Variants in PDGFD observed in about 807,000 individuals in gnomAD.
PDGFD encodes platelet derived growth factor D, also known as platelet-derived growth factor D.
In PDGFD, 30 loss-of-function variants were observed where a neutral mutation model predicts 44.7. The observed-to-expected ratio is 0.67, with a 90% confidence interval of 0.50 to 0.91. The LOEUF is 0.91. PDGFD is among the 40% of genes least tolerant of loss of function. The pLI is 0.00. For missense variants in PDGFD, 445 were observed against 457.8 expected, an observed-to-expected ratio of 0.97 and a Z score of 0.25; for synonymous variants, 173 against 168.4, an observed-to-expected ratio of 1.03 and a Z score of -0.21.
intron 2 of PDGFD, among the ~76,000 whole-genome samples, chr11:103,999,734 T>C (rs762976603): frequency 2.6e-5 from 4 of 152,154 alleles, no homozygotes; most frequent in Non-Finnish European, 5.9e-5. Context: ...TAACCTGGGA[T>C]GCTGGATACC....
intron 1 of PDGFD, among the ~76,000 whole-genome samples, chr11:104,096,337 A>G (rs72975288): frequency 0.097 from 14,701 of 151,970 alleles, 857 homozygotes; most frequent in South Asian, 0.21. Context: ...GGAATGCTGG[A>G]AAAAAAACAG....
intron 3 of PDGFD, among the ~76,000 whole-genome samples, chr11:103,954,355 T>C (rs574848200): frequency 2.6e-5 from 4 of 152,326 alleles, no homozygotes; most frequent in African/African-American, 9.6e-5. Flanking sequence ...GAGACTCTTG[T>C]CCTTTAAGTC....
At chr11:103,958,933 C>T (rs550645359) in intron 3 of PDGFD, among the ~76,000 whole-genome samples, 1 of 152,260 alleles carries the variant, frequency 6.6e-6, no homozygotes, top group Admixed American at 6.5e-5. Flanking sequence ...AATTAAAACT[C>T]CTAAGATCTG....
chr11:103,996,369 T>TA (rs1241712682), intron 2 of PDGFD, 124 bp from the exon 3 acceptor site: 1 of 903,682 alleles, frequency 1.1e-6, no homozygotes, highest in African/African-American at 1.7e-5. Flanking sequence ...ATGAAAATTA[T>TA]AATGTACAGA....
chr11:104,130,723 A>C (rs996684505), intron 1 of PDGFD, among the ~76,000 whole-genome samples: 1 of 152,144 alleles, frequency 6.6e-6, no homozygotes, highest in African/African-American at 2.4e-5. Context: ...CTTTGGCTCC[A>C]ACATCCTCAG....
intron 1 of PDGFD, among the ~76,000 whole-genome samples, chr11:104,058,491 C>T (rs539002619): frequency 9.2e-5 from 14 of 152,124 alleles, no homozygotes; most frequent in African/African-American, 2.9e-4. Flanking sequence ...ACAGCAACAA[C>T]GAGGACAACA....
intron 1 of PDGFD, among the ~76,000 whole-genome samples, chr11:104,129,597 T>C (rs1591179130): frequency 6.6e-6 from 1 of 152,152 alleles, no homozygotes; most frequent in East Asian, 1.9e-4. Flanking sequence ...AGCAGCAGGG[T>C]GCAAAAATTG....
chr11:104,055,448 C>G (rs17331385), intron 1 of PDGFD, among the ~76,000 whole-genome samples: 29,262 of 152,068 alleles, frequency 0.19, 3,113 homozygotes, highest in Middle Eastern at 0.26. Flanking sequence ...AATGATAACC[C>G]AGGTGTGTTA....
chr11:104,065,992 T>G (rs1591146697), intron 1 of PDGFD, among the ~76,000 whole-genome samples: 1 of 152,222 alleles, frequency 6.6e-6, no homozygotes, highest in African/African-American at 2.4e-5. Context: ...ATCTGGTTGA[T>G]TAACTAAAAT....
At chr11:104,077,725 GAA>G (rs138656891) in intron 1 of PDGFD, among the ~76,000 whole-genome samples, 1 of 149,772 alleles carries the variant, frequency 6.7e-6, no homozygotes, top group Non-Finnish European at 1.5e-5. Flanking sequence ...GCATAGCACA[GAA>G]AAAAAAAACT....
At chr11:104,019,802 C>T (rs903509502) in intron 1 of PDGFD, among the ~76,000 whole-genome samples, 1 of 151,500 alleles carries the variant, frequency 6.6e-6, no homozygotes, top group African/African-American at 2.4e-5. Flanking sequence ...TATAGAAGGG[C>T]TGACATAAAT....
chr11:104,108,431 C>G (rs1310296111), intron 1 of PDGFD, among the ~76,000 whole-genome samples: 1 of 152,024 alleles, frequency 6.6e-6, no homozygotes, highest in African/African-American at 2.4e-5. Flanking sequence ...ATTTATGCAG[C>G]CAAAAGACAC....
At chr11:104,119,164 CATATAATATATTA>C (rs1861707292) in intron 1 of PDGFD, among the ~76,000 whole-genome samples, 3 of 5,922 alleles carry the variant, frequency 5.1e-4, no homozygotes, top group Non-Finnish European at 8.2e-4. Context: ...ATTGATATAA[CATATAATATATTA>C]ATATAATATA....
intron 1 of PDGFD, chr11:104,037,376 A>C (rs140364909): frequency 1.2e-6 from 2 of 1,614,124 alleles, no homozygotes; most frequent in East Asian, 2.2e-5. Flanking sequence ...GTGCTGATGG[A>C]GCAGCAAAGG....
chr11:104,155,420 T>C (rs1376872777), intron 1 of PDGFD, among the ~76,000 whole-genome samples: 1 of 152,234 alleles, frequency 6.6e-6, no homozygotes, highest in Non-Finnish European at 1.5e-5. Context: ...TGGGCTTGCT[T>C]AGGTCTCATG....
intron 1 of PDGFD, among the ~76,000 whole-genome samples, chr11:104,116,086 C>A (rs1342838721): frequency 6.6e-6 from 1 of 151,950 alleles, no homozygotes; most frequent in African/African-American, 2.4e-5. Context: ...CTTTTGGGTT[C>A]TTGGACATGA....
intron 1 of PDGFD, among the ~76,000 whole-genome samples, chr11:104,073,571 C>T (rs1860910171): frequency 6.6e-6 from 1 of 152,118 alleles, no homozygotes; most frequent in Non-Finnish European, 1.5e-5. Flanking sequence ...TAAAGTTTGT[C>T]CTCATACATT....
At chr11:104,024,911 G>A (rs1244970043) in intron 1 of PDGFD, among the ~76,000 whole-genome samples, 1 of 152,192 alleles carries the variant, frequency 6.6e-6, no homozygotes. Flanking sequence ...GTCCTCCCAA[G>A]CTATATTGCT....
chr11:104,147,322 T>C (rs1404224580), intron 1 of PDGFD, among the ~76,000 whole-genome samples: 1 of 152,194 alleles, frequency 6.6e-6, no homozygotes, highest in African/African-American at 2.4e-5. Context: ...CAGGGCATCA[T>C]TATATATGAG....
Sources: allele counts gnomAD v4.1 joint callset (sites outside exome capture counted in the v4.1 genomes callset), GRCh38; gene constraint gnomAD v4.1.1; transcripts MANE v1.5; gene names NCBI Gene and HGNC (gene_info 2026-07-23, HGNC 2026-07-21).